The following CAMTA1 variants were observed in gnomAD, a reference collection of about 807,000 sequenced individuals.
CAMTA1 encodes calmodulin binding transcription activator 1.
In CAMTA1, 27 loss-of-function variants were observed where a neutral mutation model predicts 170.9. The observed-to-expected ratio is 0.16, with a 90% CI of 0.12 to 0.22. The LOEUF is 0.22. CAMTA1 is among the 10% of genes least tolerant of loss of function. The pLI is 1.00. For missense variants in CAMTA1, 1,619 were observed against 2,217.2 expected (o/e 0.73, Z 5.42); for synonymous variants, 833 against 891.5 (o/e 0.93, Z 1.17).
intron 1 of CAMTA1, among the ~76,000 whole-genome samples, chr1:6,816,606 G>C (rs535296300): frequency 6.6e-6 from 1 of 152,196 alleles, no homozygotes; most frequent in South Asian, 2.1e-4. Flanking sequence ...TCTGAGGAAG[G>C]ACTTGAACCC....
chr1:7,532,553 C>T lies in CAMTA1; in HGVS notation c.510+64652C>T, dbSNP rs1016532624. 1.5e-4 allele frequency among the ~76,000 whole-genome samples: 23 copies of T among 152,182 alleles called. No individual in the cohort carries two copies. The highest frequency in any genetic ancestry group is 5.3e-4 in the African/African-American group (22 of 41,436). On this transcript the variant is annotated intron_variant, in intron 6 of 22. Coordinates refer to ENST00000303635, the MANE Select transcript of CAMTA1 (RefSeq NM_015215.4). This position sits in a 1 kb window ranked among gnomAD's most constrained non-coding sequence, Gnocchi z 4.2. ...CTGGGCTCAATCAATCCTCCCATTTCGGCCCCCCGAGTTCAGCTTCTTTCT... is the reference window on the plus strand; with the variant it reads ...CTGGGCTCAATCAATCCTCCCATTTTGGCCCCCCGAGTTCAGCTTCTTTCT...
chr1:7,749,647 G>C, intron 19 of CAMTA1: 1 of 367,712 alleles, frequency 2.7e-6, no homozygotes, highest in Non-Finnish European at 5.2e-6. Flanking sequence ...AAGATGGAAG[G>C]CATTAATATA....
At chr1:7,611,020 G>T (rs955287655) in intron 6 of CAMTA1, among the ~76,000 whole-genome samples, 1 of 152,232 alleles carries the variant, frequency 6.6e-6, no homozygotes, top group Non-Finnish European at 1.5e-5. Flanking sequence ...TTTGCAACCT[G>T]TGCAGTCCTG....
At chr1:7,663,018 G>A (rs551471550) in intron 8 of CAMTA1, among the ~76,000 whole-genome samples, 2 of 152,302 alleles carry the variant, frequency 1.3e-5, no homozygotes, top group South Asian at 2.1e-4. Context: ...CTCTGATGGC[G>A]GAGGGGACTT....
At chr1:7,489,680 A>G (rs12091424) in intron 6 of CAMTA1, among the ~76,000 whole-genome samples, 12,670 of 152,134 alleles carry the variant, frequency 0.083, 797 homozygotes, top group African/African-American at 0.17. Flanking sequence ...GTAAATACAC[A>G]CTCGTTAAAG....
intron 6 of CAMTA1, among the ~76,000 whole-genome samples, chr1:7,499,074 TGA>T (rs1242606649): frequency 2.0e-5 from 3 of 147,172 alleles, no homozygotes; most frequent in Non-Finnish European, 3.0e-5. Flanking sequence ...TGTATGTATA[TGA>T]GTGTGTGTGT....
intron 5 of CAMTA1, among the ~76,000 whole-genome samples, chr1:7,380,757 T>C (rs1299735682): frequency 6.6e-6 from 1 of 152,226 alleles, no homozygotes; most frequent in African/African-American, 2.4e-5. Context: ...TCCCTTCTGA[T>C]GCCAGGCAGG....
intron 4 of CAMTA1, among the ~76,000 whole-genome samples, chr1:7,114,555 G>A (rs1644254116): frequency 6.6e-6 from 1 of 152,234 alleles, no homozygotes; most frequent in Non-Finnish European, 1.5e-5. Context: ...TGTGGCCTGT[G>A]GGCTGTGGGT....
chr1:7,729,448 C>T (rs1487063439), intron 11 of CAMTA1, among the ~76,000 whole-genome samples: 1 of 152,202 alleles, frequency 6.6e-6, no homozygotes, highest in African/African-American at 2.4e-5. Flanking sequence ...AAAAAGCAAC[C>T]TTCCTCTTGC....
rs907091297 is a variant in CAMTA1 at position 7,633,936 on chromosome 1, C to T, written c.511-6464C>T. On this transcript the variant is annotated intron_variant, in intron 6 of 22. Transcript: ENST00000303635. The surrounding 1 kb of genome is among the most constrained non-coding windows in gnomAD (Gnocchi z 4.1). The stretch of plus-strand genomic sequence containing the variant: ...GGGACCAATGTGGCATGGAGCGTGG[C>T]AGCCAGAGACCACAGCCCAGGGAGA... Among the ~76,000 whole-genome samples, 1 of 152,236 alleles carries T rather than the reference C, an allele frequency of 6.6e-6. No individual in the cohort carries two copies. Among genetic ancestry groups the T allele is most frequent in the Non-Finnish European group, 1.5e-5 (1 of 68,054 alleles).
Position 7,093,256 on chromosome 1 carries a change from T to G in CAMTA1, c.302+1885T>G, listed in dbSNP as rs1384316884. Among the ~76,000 whole-genome samples, 1 of 152,174 alleles carries G rather than the reference T, an allele frequency of 6.6e-6. No individual in the cohort carries two copies. The highest frequency in any genetic ancestry group is 2.4e-5 in the African/African-American group (1 of 41,438). On this transcript the variant is annotated intron_variant, in intron 4 of 22. Coordinates refer to ENST00000303635, the MANE Select transcript of CAMTA1 (RefSeq NM_015215.4). This position sits in a 1 kb window ranked among gnomAD's most constrained non-coding sequence, Gnocchi z 4.6. Reference sequence around the variant, plus strand: ...GTGCGGTGCAGGGGGCCTGAACATGTGTTATTTCTAACAAGCTCCCAGGCA... The same window carrying G: ...GTGCGGTGCAGGGGGCCTGAACATGGGTTATTTCTAACAAGCTCCCAGGCA...
intron 3 of CAMTA1, among the ~76,000 whole-genome samples, chr1:7,000,221 C>T (rs536705304): frequency 4.7e-4 from 71 of 152,336 alleles, no homozygotes; most frequent in African/African-American, 1.2e-3. Flanking sequence ...CTGGAGCTGG[C>T]GCCTCTTTCA....
rs532412040 is a variant in CAMTA1 at position 7,592,273 on chromosome 1, T to C, written c.511-48127T>C. On this transcript the variant is annotated intron_variant, in intron 6 of 22. Coordinates refer to ENST00000303635, the MANE Select transcript of CAMTA1 (RefSeq NM_015215.4). The surrounding 1 kb of genome is among the most constrained non-coding windows in gnomAD (Gnocchi z 4.6). The stretch of plus-strand genomic sequence containing the variant: ...TCCCCAACCACGCCCATCACTGTCC[T>C]TGCCATCACTGTCCTTCCCCTTTGT... Among the ~76,000 whole-genome samples, 60 of 152,238 alleles carry C rather than the reference T, an allele frequency of 3.9e-4. No individual in the cohort carries two copies. Among genetic ancestry groups the C allele is most frequent in the Non-Finnish European group, 6.5e-4 (44 of 68,026 alleles).
At chr1:7,025,784 G>A (rs150100145) in intron 3 of CAMTA1, among the ~76,000 whole-genome samples, 1 of 152,298 alleles carries the variant, frequency 6.6e-6, no homozygotes, top group East Asian at 1.9e-4. Context: ...AGGCTTCCGG[G>A]AGAAGTAATG....
chr1:7,009,561 C>T (rs993341182), intron 3 of CAMTA1, among the ~76,000 whole-genome samples: 1 of 152,118 alleles, frequency 6.6e-6, no homozygotes. Context: ...TTGCCGTAGC[C>T]CTTGAAGAAG....
chr1:7,266,488 TC>T (rs774205683), intron 5 of CAMTA1, among the ~76,000 whole-genome samples: 1 of 152,228 alleles, frequency 6.6e-6, no homozygotes, highest in Non-Finnish European at 1.5e-5. Flanking sequence ...GAAACATAAG[TC>T]CACGATGTGC....
chr1:6,973,479 A>G (rs1692891045), intron 3 of CAMTA1, among the ~76,000 whole-genome samples: 1 of 152,176 alleles, frequency 6.6e-6, no homozygotes, highest in Non-Finnish European at 1.5e-5. Context: ...AGGCTGAATA[A>G]TATTCTACCA....
rs544479309 is a variant in CAMTA1, at chr1:7,570,434, G to A, written c.511-69966G>A. 1.3e-4 allele frequency among the ~76,000 whole-genome samples: 20 copies of A among 152,362 alleles called. No individual in the cohort carries two copies. Among genetic ancestry groups the A allele is most frequent in the East Asian group, 1.2e-3 (6 of 5,186 alleles). ...GGAGGAGGAAGCCAGGGGCAAACCCGGACCAGCCCGTGCATGTGCCAAGGG... is the reference window on the plus strand; with the variant it reads ...GGAGGAGGAAGCCAGGGGCAAACCCAGACCAGCCCGTGCATGTGCCAAGGG... On this transcript the variant is annotated intron_variant, in intron 6 of 22. Transcript: ENST00000303635. This position sits in a 1 kb window ranked among gnomAD's most constrained non-coding sequence, Gnocchi z 4.3.
chr1:7,380,453 A>G (rs1466478708), intron 5 of CAMTA1, among the ~76,000 whole-genome samples: 2 of 152,216 alleles, frequency 1.3e-5, no homozygotes, highest in Admixed American at 1.3e-4. Flanking sequence ...GCATGCCTGT[A>G]ATCCCAGCTA....
Sources: gnomAD v4.1 joint callset for allele counts (sites outside exome capture counted in the v4.1 genomes callset) on GRCh38, gnomAD v4.1.1 for gene constraint, Gnocchi (gnomAD v3.1) non-coding constraint, MANE v1.5 for transcripts, NCBI Gene and HGNC (gene_info 2026-07-23, HGNC 2026-07-21) for gene names.